The following ZNF609 variants were observed in gnomAD, a reference collection of about 807,000 sequenced individuals.
The protein encoded by ZNF609 is zinc finger protein 609.
Under a neutral mutation model 109.5 loss-of-function variants are expected in ZNF609, and 11 were observed. That is an observed-to-expected ratio of 0.10 (90% confidence interval 0.06 to 0.17). ZNF609 has a LOEUF of 0.17. Among genes scored for constraint, ZNF609 ranks in the 10% least tolerant of loss-of-function variants. The probability of loss-of-function intolerance (pLI) is 1.00; values close to 1 mark genes in which losing one functional copy is unlikely to be tolerated. For missense variants in ZNF609, 1,559 were observed against 1,772.4 expected (o/e 0.88, Z 2.16); for synonymous variants, 646 against 662.0 (o/e 0.98, Z 0.37).
At chr15:64,522,245 G>T (rs188721740) in intron 2 of ZNF609, among the ~76,000 whole-genome samples, 1 of 152,174 alleles carries the variant, frequency 6.6e-6, no homozygotes, top group African/African-American at 2.4e-5. Flanking sequence ...TTATTGTAAA[G>T]AATTTGGAAA....
At chr15:64,484,282 G>A (rs1893299448) in intron 1 of ZNF609, among the ~76,000 whole-genome samples, 1 of 152,172 alleles carries the variant, frequency 6.6e-6, no homozygotes, top group African/African-American at 2.4e-5. Context: ...AAGTAAATGA[G>A]CTTCAGTGTG....
At chr15:64,627,914 C>T (rs1196497967) in intron 3 of ZNF609, among the ~76,000 whole-genome samples, 3 of 150,562 alleles carry the variant, frequency 2.0e-5, no homozygotes, top group African/African-American at 7.3e-5. Flanking sequence ...CCCACCTCAG[C>T]CTCCCAAAGT....
intron 2 of ZNF609, among the ~76,000 whole-genome samples, chr15:64,512,082 A>C (rs540434904): frequency 6.6e-6 from 1 of 152,166 alleles, no homozygotes; most frequent in East Asian, 1.9e-4. Flanking sequence ...TATCATGTGA[A>C]AAGGACTCTC....
intron 3 of ZNF609, among the ~76,000 whole-genome samples, chr15:64,633,830 G>C (rs748538051): frequency 6.6e-6 from 1 of 151,462 alleles, no homozygotes; most frequent in Non-Finnish European, 1.5e-5. Context: ...GCAGTGAGCC[G>C]AGATAGTGCC....
At chr15:64,552,880 C>G (rs960057910) in intron 2 of ZNF609, among the ~76,000 whole-genome samples, 11 of 152,162 alleles carry the variant, frequency 7.2e-5, no homozygotes, top group African/African-American at 2.2e-4. Flanking sequence ...CTCCTGGCCT[C>G]AAGCAGTCCT....
chr15:64,667,209 C>A (rs892414968), intron 3 of ZNF609, among the ~76,000 whole-genome samples: 1 of 152,186 alleles, frequency 6.6e-6, no homozygotes, highest in African/African-American at 2.4e-5. Context: ...ATAACAAAGC[C>A]AGGATTTGCA....
chr15:64,678,485 A>G lies in ZNF609; in HGVS notation c.3769+3A>G, dbSNP rs531795919. ...TGTGATGATGCAGAACTACCCAGGTACAGCACCAAGTGCCAGCACTATTCC... is the reference window on the plus strand; with the variant it reads ...TGTGATGATGCAGAACTACCCAGGTGCAGCACCAAGTGCCAGCACTATTCC... On this transcript the variant is annotated splice_donor_region_variant and intron_variant, in intron 6 of 9. Coordinates refer to ENST00000326648, the MANE Select transcript of ZNF609 (RefSeq NM_015042.2). The G allele has an allele frequency of 2.4e-5, 38 of 1,566,274 alleles. No homozygotes were observed. In the Admixed American group the frequency reaches 5.2e-4, roughly 21 times the overall value.
intron 3 of ZNF609, among the ~76,000 whole-genome samples, chr15:64,666,986 CG>C (rs1226956886): frequency 3.9e-5 from 6 of 151,910 alleles, no homozygotes; most frequent in African/African-American, 1.4e-4. Context: ...AAAAATTAGC[CG>C]GGTGTGGTGA....
At chr15:64,551,008 A>T (rs1894459904) in intron 2 of ZNF609, among the ~76,000 whole-genome samples, 2 of 152,138 alleles carry the variant, frequency 1.3e-5, no homozygotes, top group South Asian at 4.1e-4. Flanking sequence ...ATCACTGCCA[A>T]TCCAATGTCA....
rs1280736689 is a variant in ZNF609 at position 64,674,525 on chromosome 15, T to C, written c.1671T>C (p.Gly557=). The C allele has an allele frequency of 6.2e-6, 10 of 1,614,024 alleles. No homozygotes were observed. The highest frequency in any genetic ancestry group is 7.6e-6 in the Non-Finnish European group (9 of 1,180,000). ...ACGGTGCATCTGTCTCACAAAAAGGTTCCTTGTCCCCTGCCCGCTCAGCTA... is the reference window on the plus strand; with the variant it reads ...ACGGTGCATCTGTCTCACAAAAAGGCTCCTTGTCCCCTGCCCGCTCAGCTA... ...SCNGASVSQK[G]SLSPARSATP... The change falls in exon 5 of 10, where the codon GGT becomes GGC. Residue 557 remains glycine, a synonymous_variant. Coordinates refer to ENST00000326648, the MANE Select transcript of ZNF609 (RefSeq NM_015042.2).
chr15:64,650,389 C>G (rs865820500), intron 3 of ZNF609, among the ~76,000 whole-genome samples: 25 of 147,058 alleles, frequency 1.7e-4, no homozygotes, highest in African/African-American at 6.2e-4. Context: ...TGCACTCCAG[C>G]CTGGGCAACA....
chr15:64,465,916 G>C (rs1893007168), intron 1 of ZNF609, among the ~76,000 whole-genome samples: 1 of 151,656 alleles, frequency 6.6e-6, no homozygotes, highest in African/African-American at 2.4e-5. Context: ...AGGAGTTTGA[G>C]ACCAGCCTGG....
chr15:64,634,921 C>G (rs1403374727), intron 3 of ZNF609, among the ~76,000 whole-genome samples: 16 of 152,146 alleles, frequency 1.1e-4, no homozygotes, highest in Admixed American at 1.0e-3. Flanking sequence ...ACATTCCCAC[C>G]TAGCAGCTTA....
At chr15:64,555,622 G>A (rs1043722802) in intron 2 of ZNF609, among the ~76,000 whole-genome samples, 15 of 151,334 alleles carry the variant, frequency 9.9e-5, no homozygotes, top group Admixed American at 3.3e-4. Context: ...AGTGCTTTAC[G>A]CCTGTAATCC....
intron 2 of ZNF609, among the ~76,000 whole-genome samples, chr15:64,533,896 A>T (rs889471416): frequency 2.0e-5 from 3 of 152,006 alleles, no homozygotes; most frequent in Non-Finnish European, 2.9e-5. Flanking sequence ...TTGCTTGTTC[A>T]TGTCTGCGTA....
chr15:64,465,878 G>A (rs1241886759), intron 1 of ZNF609, among the ~76,000 whole-genome samples: 1 of 151,818 alleles, frequency 6.6e-6, no homozygotes, highest in East Asian at 2.0e-4. Flanking sequence ...CACTTTGGGA[G>A]GCTGAGGCGG....
At chr15:64,571,288 C>T (rs1894856272) in intron 2 of ZNF609, among the ~76,000 whole-genome samples, 1 of 152,154 alleles carries the variant, frequency 6.6e-6, no homozygotes, top group African/African-American at 2.4e-5. Flanking sequence ...AATAATACTG[C>T]CACTGATCAT....
chr15:64,539,365 G>A (rs1276294165), intron 2 of ZNF609, among the ~76,000 whole-genome samples: 1 of 148,938 alleles, frequency 6.7e-6, no homozygotes, highest in East Asian at 2.0e-4. Context: ...CCGCCACCAC[G>A]CCCGGCTAAT....
chr15:64,550,195 T>TC (rs1231062643), intron 2 of ZNF609, among the ~76,000 whole-genome samples: 12 of 152,128 alleles, frequency 7.9e-5, no homozygotes, highest in African/African-American at 2.9e-4. Context: ...GCTCAAGTGA[T>TC]CCACCCACCT....
Sources: allele counts gnomAD v4.1 joint callset (sites outside exome capture counted in the v4.1 genomes callset), GRCh38; gene constraint gnomAD v4.1.1; transcripts MANE v1.5; gene names NCBI Gene and HGNC (gene_info 2026-07-23, HGNC 2026-07-21).